The following ZFHX3 variants were observed in gnomAD, a reference collection of about 807,000 sequenced individuals.
ZFHX3 encodes zinc finger homeobox 3.
ZFHX3 carries 42 observed loss-of-function variants against 279.1 expected under a neutral mutation model. The ratio of observed to expected loss-of-function variants is 0.15; its 90% confidence interval spans 0.12 to 0.19. The LOEUF (loss-of-function observed/expected upper bound fraction) is 0.19. Ranked by LOEUF, ZFHX3 falls within the 10% of genes least tolerant of loss-of-function variation. The pLI is 1.00. For synonymous variants in ZFHX3, 2,293 were observed against 1,957.8 expected (o/e 1.17, Z -4.52); for missense variants, 4,981 against 4,754.0 (o/e 1.05, Z -1.40).
chr16:73,509,734 T>A (rs1486674710), intron 2 of ZFHX3, among the ~76,000 whole-genome samples: 2 of 129,724 alleles, frequency 1.5e-5, no homozygotes, highest in African/African-American at 6.1e-5. Context: ...CTCGCTCTGT[T>A]GCCCAGGCTG....
At chr16:73,461,551 T>C (rs182998145) in intron 2 of ZFHX3, among the ~76,000 whole-genome samples, 29 of 152,350 alleles carry the variant, frequency 1.9e-4, no homozygotes, top group African/African-American at 6.5e-4. Context: ...CACTTTGGAT[T>C]CATTTTCATG....
chr16:72,980,950 T>C (rs924921228), intron 1 of ZFHX3, among the ~76,000 whole-genome samples: 4 of 152,034 alleles, frequency 2.6e-5, no homozygotes, highest in African/African-American at 9.7e-5. Context: ...TTTTATACAG[T>C]AATTTTTTTT....
chr16:72,825,168 G>T (rs562902090), intron 5 of ZFHX3, among the ~76,000 whole-genome samples: 2 of 152,288 alleles, frequency 1.3e-5, no homozygotes, highest in African/African-American at 4.8e-5. Flanking sequence ...CTGGCTGGTG[G>T]GCTTCCTGAC....
intron 3 of ZFHX3, among the ~76,000 whole-genome samples, chr16:73,347,000 A>T (rs1279400157): frequency 1.3e-5 from 2 of 152,150 alleles, no homozygotes; most frequent in Non-Finnish European, 2.9e-5. Flanking sequence ...TTACAAGGGG[A>T]GGAAATTGAA....
intron 1 of ZFHX3, among the ~76,000 whole-genome samples, chr16:73,790,658 C>T (rs941920395): frequency 6.6e-6 from 1 of 152,210 alleles, no homozygotes; most frequent in African/African-American, 2.4e-5. Flanking sequence ...AAATGCAAGG[C>T]TGGTGGCCTT....
At position 73,337,891 on chromosome 16, in the gene ZFHX3, GC is replaced by G. The variant is rs1462922081; in HGVS notation, c.-1290-19556del. On this transcript the variant is annotated intron_variant, in intron 3 of 17. Coordinates refer to the ZFHX3 transcript ENST00000641206. Reference sequence around the variant, plus strand: ...TTCAATAAGTCTTCATCTTCCCTTGGCGGGGGGGGGGGTCCTCATCCCCTTT... The same window carrying G: ...TTCAATAAGTCTTCATCTTCCCTTGGGGGGGGGGGGGTCCTCATCCCCTTT... 3.8e-3 allele frequency among the ~76,000 whole-genome samples: 407 copies of G among 107,640 alleles called. 23 individuals carry two copies. The highest frequency in any genetic ancestry group is 0.011 in the African/African-American group (352 of 30,794). 70.6% of individuals were successfully genotyped at this position (107,640 alleles called of 152,430 possible).
At chr16:73,247,255 A>ATG (rs1375975484) in intron 5 of ZFHX3, among the ~76,000 whole-genome samples, 1 of 144,906 alleles carries the variant, frequency 6.9e-6, no homozygotes, top group Non-Finnish European at 1.5e-5. Flanking sequence ...TGTGGAGTAC[A>ATG]TGTGTGTGTG....
intron 5 of ZFHX3, among the ~76,000 whole-genome samples, chr16:73,150,323 T>C (rs1490296584): frequency 6.6e-6 from 1 of 152,178 alleles, no homozygotes; most frequent in African/African-American, 2.4e-5. Context: ...ATCAAATGTG[T>C]GAGCTTCTTT....
At chr16:73,435,149 T>C (rs1409218507) in intron 3 of ZFHX3, among the ~76,000 whole-genome samples, 4 of 152,152 alleles carry the variant, frequency 2.6e-5, no homozygotes, top group African/African-American at 4.8e-5. Flanking sequence ...ACCTGCATGA[T>C]GGATTGGCAC....
chr16:73,844,689 G>A (rs1048460502), intron 1 of ZFHX3, among the ~76,000 whole-genome samples: 3 of 151,828 alleles, frequency 2.0e-5, no homozygotes, highest in Non-Finnish European at 4.4e-5. Context: ...ATTGACAGAC[G>A]ATAGAGAGAG....
At chr16:73,573,621 G>A (rs1415555096) in intron 2 of ZFHX3, among the ~76,000 whole-genome samples, 1 of 152,212 alleles carries the variant, frequency 6.6e-6, no homozygotes, top group Admixed American at 6.5e-5. Flanking sequence ...CAGGTATCAA[G>A]TAAGGTTAAC....
intron 2 of ZFHX3, among the ~76,000 whole-genome samples, chr16:73,618,777 G>A (rs1475686036): frequency 6.6e-6 from 1 of 152,200 alleles, no homozygotes; most frequent in African/African-American, 2.4e-5. Context: ...AGAGAGGCCA[G>A]GTGGACATGT....
intron 1 of ZFHX3, among the ~76,000 whole-genome samples, chr16:73,780,004 G>T (rs1001272807): frequency 4.6e-5 from 3 of 65,280 alleles, no homozygotes; most frequent in Non-Finnish European, 7.0e-5. Flanking sequence ...GCCTTTCTAA[G>T]ACTTTTTTTT....
At chr16:73,654,527 G>C (rs969074741) in intron 2 of ZFHX3, among the ~76,000 whole-genome samples, 1 of 151,924 alleles carries the variant, frequency 6.6e-6, no homozygotes, top group African/African-American at 2.4e-5. Context: ...AAAAATTATA[G>C]GTCAATGTCA....
chr16:73,679,098 A>G (rs2052984227), intron 2 of ZFHX3, among the ~76,000 whole-genome samples: 1 of 151,056 alleles, frequency 6.6e-6, no homozygotes. Context: ...AAATGGTGAA[A>G]GTCATAAGTC....
At chr16:73,534,993 T>C (rs2019870976) in intron 2 of ZFHX3, among the ~76,000 whole-genome samples, 1 of 151,984 alleles carries the variant, frequency 6.6e-6, no homozygotes, top group East Asian at 1.9e-4. Flanking sequence ...AGAGGGGATT[T>C]GATTAAGCGA....
At chr16:73,440,013 G>A (rs12448570) in intron 3 of ZFHX3, among the ~76,000 whole-genome samples, 9 of 148,374 alleles carry the variant, frequency 6.1e-5, no homozygotes, top group African/African-American at 9.9e-5. Flanking sequence ...GGAGGAACAC[G>A]CATGGCTGTT....
chr16:73,504,997 A>G (rs1207390052), intron 2 of ZFHX3: 1 of 152,168 alleles, frequency 6.6e-6, no homozygotes, highest in African/African-American at 2.4e-5. Context: ...AGCCACTGGC[A>G]AAGATGAGGG....
At chr16:72,843,529 A>G (rs1449080500) in intron 4 of ZFHX3, among the ~76,000 whole-genome samples, 2 of 150,432 alleles carry the variant, frequency 1.3e-5, no homozygotes, top group Non-Finnish European at 3.0e-5. Context: ...AAAAAAAAAA[A>G]AAAAAAAAAA....
Sources: gnomAD v4.1 joint callset for allele counts (sites outside exome capture counted in the v4.1 genomes callset) on GRCh38, gnomAD v4.1.1 for gene constraint, MANE v1.5 for transcripts, NCBI Gene and HGNC (gene_info 2026-07-23, HGNC 2026-07-21) for gene names.